The following ESD variants were observed in gnomAD, a reference collection of about 807,000 sequenced individuals.
ESD encodes the protein S-formylglutathione hydrolase.
Under a neutral mutation model 38.1 loss-of-function variants are expected in ESD, and 34 were observed. The observed-to-expected ratio is 0.89, with a 90% CI of 0.68 to 1.19. The LOEUF is 1.19. Ranked by LOEUF, ESD falls within the 50% of genes most tolerant of loss-of-function variation. The probability of loss-of-function intolerance (pLI) is 0.00; values close to 1 mark genes in which losing one functional copy is unlikely to be tolerated. For missense variants in ESD, 334 were observed against 327.2 expected (o/e 1.02, Z -0.16); for synonymous variants, 97 against 107.0 (o/e 0.91, Z 0.58).
chr13:46,779,055 A>G (rs1874904741), intron 8 of ESD, among the ~76,000 whole-genome samples: 1 of 151,712 alleles, frequency 6.6e-6, no homozygotes, highest in Admixed American at 6.6e-5. Context: ...GTTCATTTGC[A>G]AAGTATTCAA....
chr13:46,775,499 T>C (rs1874763094), intron 9 of ESD: 1 of 375,254 alleles, frequency 2.7e-6, no homozygotes, highest in South Asian at 2.1e-5. Flanking sequence ...TATACTATAC[T>C]TGTAATCAAA....
chr13:46,771,334 A>T lies in ESD; in HGVS notation c.*82T>A, dbSNP rs932150700. On this transcript the variant is annotated 3_prime_UTR_variant, in exon 10 of 10. Transcript: ENST00000378720. ...AGCACTATAAAATCCAATGTTTTGA[A>T]TTTTTTTTTTTTTTGCTCAGCAATA... 71 of 709,054 alleles carry T rather than the reference A, an allele frequency of 1.0e-4. No homozygotes were observed. The highest frequency in any genetic ancestry group is 5.9e-4 in the African/African-American group (31 of 52,130). 43.9% of individuals were successfully genotyped at this position (709,054 alleles called of 1,614,324 possible).
chr13:46,772,002 A>G (rs1874623601), intron 9 of ESD, among the ~76,000 whole-genome samples: 1 of 152,230 alleles, frequency 6.6e-6, no homozygotes, highest in African/African-American at 2.4e-5. Flanking sequence ...CATCAGTAAG[A>G]CAGTGACTAT....
Position 46,784,297 on chromosome 13 carries a change from C to T in ESD, c.211G>A (p.Ala71Thr), listed in dbSNP as rs1243517545. 6.2e-7 allele frequency: 1 copy of T among 1,611,696 alleles called. No homozygotes were observed. Among genetic ancestry groups the T allele is most frequent in the African/African-American group, 1.3e-5 (1 of 74,770 alleles). The change falls in exon 5 of 10, where the codon GCT (alanine) becomes ACT (threonine). Residue 71 changes from alanine (A) to threonine (T), a missense_variant. Physicochemically the swap from Ala to Thr is moderately conservative, Grantham distance 58. Transcript: ENST00000378720. The stretch of plus-strand genomic sequence containing the variant: ...ATGACAACAAGACCATGTTCTGAAG[C>T]AGACTGATGATAACCAGATTTTGAT... ...FISKSGYHQS[A>T]SEHGLVVIAP...
chr13:46,794,337 ATTTTT>A (rs1363982297), intron 1 of ESD, among the ~76,000 whole-genome samples: 4 of 151,858 alleles, frequency 2.6e-5, no homozygotes, highest in South Asian at 2.1e-4. Flanking sequence ...TCTTCCCTTT[ATTTTT>A]TATTTTTTGG....
At chr13:46,792,839 AC>A (rs1297064271) in intron 2 of ESD, among the ~76,000 whole-genome samples, 1 of 152,058 alleles carries the variant, frequency 6.6e-6, no homozygotes, top group African/African-American at 2.4e-5. Flanking sequence ...ATATATTAAT[AC>A]ATATATATGA....
intron 1 of ESD, 82 bp downstream of exon 1, chr13:46,797,023 C>A (rs1227750203): frequency 2.0e-5 from 3 of 152,500 alleles, no homozygotes; most frequent in African/African-American, 7.2e-5. Context: ...CAGGACTCGG[C>A]GTCCGCCCCG....
rs1249685613 is a variant in ESD, at chr13:46,781,716, T to C, written c.382-101A>G. The C allele has an allele frequency of 3.7e-6, 4 of 1,092,398 alleles. No individual in the cohort carries two copies. The South Asian group carries it at 5.3e-5, about 14-fold the overall frequency. The allele number at this position is 1,092,398 out of a possible 1,614,324, so 67.7% of individuals were successfully genotyped here. A position where few individuals can be genotyped will look rare whatever the true frequency, so the allele number is the denominator to read the frequency against. On this transcript the variant is annotated intron_variant, in intron 6 of 9. Transcript: ENST00000378720. ...TTACACAATCAATACTGCCAAATCA[T>C]AGTCTTACAATGGTTTGAACTAGTA...
In ESD at chr13:46,782,664, T is replaced by C; in HGVS notation, c.381+3A>G. 6.2e-7 allele frequency: 1 copy of C among 1,611,038 alleles called. No homozygotes were observed. The highest frequency in any genetic ancestry group is 1.1e-5 in the South Asian group (1 of 90,850). On this transcript the variant is annotated splice_donor_region_variant and intron_variant, in intron 6 of 9. Transcript: ENST00000378720. ...TTAATAATTACAATACAAATTAAAT[T>C]ACCTCCTCTGTGACATAAGAGTACA...
chr13:46,796,653 G>A (rs1487298339), intron 1 of ESD, among the ~76,000 whole-genome samples: 1 of 152,176 alleles, frequency 6.6e-6, no homozygotes, highest in East Asian at 1.9e-4. Context: ...GTGCCCCGAC[G>A]CGGACGCTGC....
At chr13:46,779,698 TG>T (rs1376213515) in intron 8 of ESD, among the ~76,000 whole-genome samples, 1 of 145,340 alleles carries the variant, frequency 6.9e-6, no homozygotes, top group Non-Finnish European at 1.5e-5. Flanking sequence ...TAGGGTTTTT[TG>T]TTGATTTATA....
intron 9 of ESD, among the ~76,000 whole-genome samples, chr13:46,773,747 T>C (rs974611577): frequency 1.3e-5 from 2 of 152,216 alleles, no homozygotes; most frequent in African/African-American, 2.4e-5. Context: ...TGGAAGTGAA[T>C]GTGACAGGAA....
At chr13:46,775,709 T>C (rs773335532) in intron 9 of ESD, 7 of 467,798 alleles carry the variant, frequency 1.5e-5, no homozygotes, top group East Asian at 7.0e-5. Context: ...GTAAAGTGAA[T>C]AGAAAATTGC....
At chr13:46,782,083 A>G (rs1008436326) in intron 6 of ESD, among the ~76,000 whole-genome samples, 1 of 151,840 alleles carries the variant, frequency 6.6e-6, no homozygotes, top group African/African-American at 2.4e-5. Flanking sequence ...AACACTAGAA[A>G]ATATTTTTAT....
chr13:46,786,127 T>C (rs1875185160), intron 4 of ESD, among the ~76,000 whole-genome samples: 1 of 152,100 alleles, frequency 6.6e-6, no homozygotes, highest in African/African-American at 2.4e-5. Flanking sequence ...CTCTTGCTTT[T>C]AGCAATACCT....
chr13:46,771,608 T>C lies in ESD; in HGVS notation c.769-112A>G, dbSNP rs1480043373. ...AATTTGCTTACAAATAGTCATAACA[T>C]TAAGGAAGTATGAGGAAGGTTTATA... On this transcript the variant is annotated intron_variant, in intron 9 of 9. Transcript: ENST00000378720. The C allele has an allele frequency of 6.7e-6, 4 of 601,142 alleles. No homozygotes were observed. The Admixed American group carries it at 8.7e-5, about 13-fold the overall frequency. The allele number at this position is 601,142 out of a possible 1,614,324, so 37.2% of individuals were successfully genotyped here.
chr13:46,777,271 T>C, intron 9 of ESD, 185 bp downstream of exon 9: 3 of 409,830 alleles, frequency 7.3e-6, no homozygotes, highest in Non-Finnish European at 1.3e-5. Flanking sequence ...TTCCTATTTC[T>C]ATCAAATTTA....
chr13:46,771,573 A>C, intron 9 of ESD, 77 bp from the exon 10 acceptor site: 1 of 907,014 alleles, frequency 1.1e-6, no homozygotes, highest in South Asian at 1.5e-5. Flanking sequence ...ATATATCTCT[A>C]AGGTCGTTTA....
chr13:46,778,352 T>C (rs572742098), intron 8 of ESD, among the ~76,000 whole-genome samples: 195 of 152,042 alleles, frequency 1.3e-3, no homozygotes, highest in African/African-American at 4.4e-3. Context: ...CTAAGTATCC[T>C]GCTTTTGAAG....
Sources: allele counts gnomAD v4.1 joint callset (sites outside exome capture counted in the v4.1 genomes callset), GRCh38; gene constraint gnomAD v4.1.1; transcripts MANE v1.5; gene names NCBI Gene and HGNC (gene_info 2026-07-23, HGNC 2026-07-21).